Variants in FRMPD3 observed in about 807,000 individuals in gnomAD.
The protein encoded by FRMPD3 is FERM and PDZ domain-containing protein 3.
FRMPD3 carries 42 observed loss-of-function variants against 97.9 expected under a neutral mutation model. The ratio of observed to expected loss-of-function variants is 0.43; its 90% CI spans 0.34 to 0.55. The LOEUF (loss-of-function observed/expected upper bound fraction) is 0.55, where lower values mean the gene tolerates loss of function less well. Among genes scored for constraint, FRMPD3 ranks in the 20% least tolerant of loss-of-function variants. The probability of loss-of-function intolerance (pLI) is 0.03; values close to 1 mark genes in which losing one functional copy is unlikely to be tolerated. For synonymous variants in FRMPD3, 577 were observed against 581.1 expected (o/e 0.99, Z 0.10); for missense variants, 1,303 against 1,457.7 (o/e 0.89, Z 1.73).
chrX:107,526,866 C>A, intron 2 of FRMPD3, 130 bp downstream of exon 2: 1 of 680,170 alleles, frequency 1.5e-6, no homozygotes, highest in Non-Finnish European at 2.1e-6. Context: ...TGGTTGAAGA[C>A]TTGCCAACCA....
intron 1 of FRMPD3, among the ~76,000 whole-genome samples, chrX:107,511,709 C>A (rs954589517): frequency 1.8e-5 from 2 of 112,892 alleles, no homozygotes; most frequent in Admixed American, 1.9e-4. Context: ...CTGGAGGCAG[C>A]TACTTGTTGG....
intron 4 of FRMPD3, chrX:107,544,629 C>T (rs1921490833): frequency 1.8e-5 from 2 of 111,301 alleles, no homozygotes; most frequent in East Asian, 2.8e-4. Flanking sequence ...AATAAACGCC[C>T]CCCCAAAGAC....
intron 14 of FRMPD3, among the ~76,000 whole-genome samples, chrX:107,598,428 G>A (rs1447185807): frequency 8.9e-6 from 1 of 112,065 alleles, no homozygotes; most frequent in Non-Finnish European, 1.9e-5. Context: ...ATGCAGGCCA[G>A]GATAGAGGAT....
In FRMPD3 at chrX:107,524,991, A is replaced by G. The variant is rs756717168; in HGVS notation, c.-7-1591A>G. Among the ~76,000 whole-genome samples, 413 of 72,798 alleles carry G rather than the reference A, an allele frequency of 5.7e-3. 3 individuals carry two copies. Among genetic ancestry groups the G allele is most frequent in the Middle Eastern group, 0.023 (4 of 172 alleles). 63.2% of individuals were successfully genotyped at this position (72,798 alleles called of 115,157 possible). Reference sequence around the variant, plus strand: ...AGCTGGCGTAACAGAGGGAGACTCCATCTCAAAAAAAAAAAAAAAAAAAAA... The same window carrying G: ...AGCTGGCGTAACAGAGGGAGACTCCGTCTCAAAAAAAAAAAAAAAAAAAAA... On this transcript the variant is annotated intron_variant, in intron 1 of 14. Transcript: ENST00000683843.
chrX:107,537,667 C>A (rs1299234819), intron 4 of FRMPD3, among the ~76,000 whole-genome samples: 1 of 111,482 alleles, frequency 9.0e-6, no homozygotes, highest in Non-Finnish European at 1.9e-5. Flanking sequence ...AAGCATAGGG[C>A]AGTGCCTATT....
intron 9 of FRMPD3, 29 bp downstream of exon 9, chrX:107,560,422 G>A: frequency 1.7e-6 from 2 of 1,205,029 alleles, no homozygotes; most frequent in Non-Finnish European, 2.2e-6. Context: ...CGTTGGGATG[G>A]GGGGCGAATA....
In FRMPD3 at chrX:107,461,833, G is replaced by A. The variant is rs757584509; in HGVS notation, c.-8+11828G>A. 3.8e-5 allele frequency among the ~76,000 whole-genome samples: 4 copies of A among 105,434 alleles called. No individual in the cohort carries two copies. In the South Asian group the frequency reaches 1.7e-3, roughly 44 times the overall value. The allele number at this position is 105,434 out of a possible 115,157, so 91.6% of individuals were successfully genotyped here. On this transcript the variant is annotated intron_variant, in intron 1 of 14. Coordinates refer to ENST00000683843, the MANE Select transcript of FRMPD3 (RefSeq NM_001388459.1). ...TACATATACGTGTGTGTGTGTCTGT[G>A]TGTCTGTCTGTGTGTATCCCTCTGC... is the stretch of plus-strand genomic sequence containing the variant.
At chrX:107,544,451 A>G (rs1757896878) in intron 4 of FRMPD3, 2 of 111,842 alleles carry the variant, frequency 1.8e-5, no homozygotes, top group Admixed American at 9.5e-5. Flanking sequence ...TTTTTCCTCA[A>G]AGTCCTTCTT....
At chrX:107,540,623 T>C (rs1029610914) in intron 4 of FRMPD3, among the ~76,000 whole-genome samples, 5 of 112,028 alleles carry the variant, frequency 4.5e-5, no homozygotes, top group Non-Finnish European at 7.5e-5. Flanking sequence ...ACTTAGCAAT[T>C]CTAGTCCCAT....
intron 3 of FRMPD3, among the ~76,000 whole-genome samples, chrX:107,533,051 T>C (rs1923036292): frequency 8.9e-6 from 1 of 111,799 alleles, no homozygotes; most frequent in South Asian, 3.8e-4. Flanking sequence ...ATGACCTCCT[T>C]TGGGTTTTTC....
chrX:107,465,437 C>G (rs536827084), intron 1 of FRMPD3, among the ~76,000 whole-genome samples: 1 of 111,384 alleles, frequency 9.0e-6, no homozygotes, highest in East Asian at 2.8e-4. Flanking sequence ...TACCACTGCA[C>G]TCAGCCTGGG....
intron 1 of FRMPD3, among the ~76,000 whole-genome samples, chrX:107,457,325 G>T (rs1490586081): frequency 9.0e-6 from 1 of 111,632 alleles, no homozygotes; most frequent in African/African-American, 3.3e-5. Context: ...AAGGGACTCC[G>T]TATTTTTTGT....
At chrX:107,591,719 G>GTT (rs1923911643) in intron 13 of FRMPD3, among the ~76,000 whole-genome samples, 1 of 110,002 alleles carries the variant, frequency 9.1e-6, no homozygotes, top group Non-Finnish European at 1.9e-5. Flanking sequence ...ACTTGCTTTG[G>GTT]GTTGTTTGCT....
chrX:107,600,203 C>A, intron 14 of FRMPD3, 100 bp from the exon 15 acceptor site: 1 of 1,054,394 alleles, frequency 9.5e-7, no homozygotes, highest in South Asian at 2.4e-5. Flanking sequence ...CTTCAGGAGT[C>A]CTAGAGCCAA....
intron 13 of FRMPD3, among the ~76,000 whole-genome samples, chrX:107,577,605 C>T (rs754252846): frequency 9.1e-6 from 1 of 110,112 alleles, no homozygotes; most frequent in East Asian, 2.8e-4. Context: ...GCCGAGATCC[C>T]GCCTTTTTAC....
intron 13 of FRMPD3, among the ~76,000 whole-genome samples, chrX:107,592,323 T>A (rs1923946375): frequency 8.9e-6 from 1 of 111,904 alleles, no homozygotes; most frequent in South Asian, 3.7e-4. Flanking sequence ...CATTTTAGTC[T>A]ACAGCCATAC....
rs777396529 is a variant in FRMPD3, at chrX:107,526,671, C to G, written c.83C>G (p.Pro28Arg). The G allele has an allele frequency of 5.0e-6, 6 of 1,208,034 alleles. No individual in the cohort carries two copies. Among genetic ancestry groups the G allele is most frequent in the Non-Finnish European group, 6.7e-6 (6 of 894,022 alleles). The change falls in exon 2 of 15, where the codon CCT (proline) becomes CGT (arginine). Residue 28 changes from proline (P) to arginine (R), a missense_variant. By Grantham distance (103) the Pro-to-Arg change is moderately radical. This residue lies in a region of FRMPD3 where 535 missense variants were observed against 618.6 expected (regional missense o/e 0.86). Coordinates refer to ENST00000683843, the MANE Select transcript of FRMPD3 (RefSeq NM_001388459.1). ...CGACAAGTGACCGTTCACCGAGACC[C>G]TATATATGGCTTTGGCTTCGTGGCT... is the stretch of plus-strand genomic sequence containing the variant. ...ILRQVTVHRD[P>R]IYGFGFVAGS...
At chrX:107,536,790 T>C (rs944000473) in intron 4 of FRMPD3, among the ~76,000 whole-genome samples, 41 of 111,812 alleles carry the variant, frequency 3.7e-4, no homozygotes, top group African/African-American at 1.2e-3. Flanking sequence ...CATGAGATAT[T>C]ATATTTACAT....
At chrX:107,462,640 C>T in intron 1 of FRMPD3, among the ~76,000 whole-genome samples, 1 of 111,804 alleles carries the variant, frequency 8.9e-6, no homozygotes, top group Middle Eastern at 4.6e-3. Context: ...GACACAATCC[C>T]CTTGCCATGC....
Sources: allele counts gnomAD v4.1 joint callset (sites outside exome capture counted in the v4.1 genomes callset), GRCh38; gene constraint gnomAD v4.1.1; regional missense constraint gnomAD v4.1.1; transcripts MANE v1.5; gene names NCBI Gene and HGNC (gene_info 2026-07-23, HGNC 2026-07-21).